Variants in ITGA2 observed in about 807,000 individuals in gnomAD.
ITGA2 encodes the protein integrin subunit alpha 2, also known as integrin alpha-2.
A neutral mutation model predicts 146.3 loss-of-function variants in ITGA2; 101 were observed. That is an observed-to-expected ratio of 0.69 (90% CI 0.59 to 0.81). ITGA2 has a LOEUF of 0.81. Among genes scored for constraint, ITGA2 ranks in the 40% least tolerant of loss-of-function variants. The pLI, the probability that ITGA2 is intolerant of heterozygous loss-of-function variation, is 0.00. For missense variants in ITGA2, 1,281 were observed against 1,402.7 expected (o/e 0.91, Z 1.39); for synonymous variants, 477 against 487.1 (o/e 0.98, Z 0.27).
At chr5:53,082,633 G>C (rs1745975293) in intron 26 of ITGA2, among the ~76,000 whole-genome samples, 1 of 152,084 alleles carries the variant, frequency 6.6e-6, no homozygotes, top group Admixed American at 6.6e-5. Context: ...CCGCACAAGA[G>C]TGGTATATTT....
At chr5:53,035,751 C>T (rs1375005845) in intron 2 of ITGA2, among the ~76,000 whole-genome samples, 1 of 152,096 alleles carries the variant, frequency 6.6e-6, no homozygotes, top group Non-Finnish European at 1.5e-5. Flanking sequence ...CACCAAGCAC[C>T]TTGTGTTGTC....
At chr5:53,046,623 TG>T (rs1406639850) in intron 4 of ITGA2, among the ~76,000 whole-genome samples, 1 of 151,114 alleles carries the variant, frequency 6.6e-6, no homozygotes. Flanking sequence ...AAGTAAAAAA[TG>T]AAAGGTAAAA....
intron 1 of ITGA2, among the ~76,000 whole-genome samples, chr5:53,009,500 GT>G (rs1235676801): frequency 2.0e-5 from 3 of 152,236 alleles, no homozygotes; most frequent in Middle Eastern, 3.4e-3. Flanking sequence ...CAACTTTTAA[GT>G]GAGGAACTTG....
chr5:53,065,390 T>C (rs1339332323), intron 14 of ITGA2, among the ~76,000 whole-genome samples: 1 of 151,892 alleles, frequency 6.6e-6, no homozygotes, highest in Non-Finnish European at 1.5e-5. Context: ...AGATAAAGTA[T>C]TCCAGATAGT....
In ITGA2 at chr5:53,032,145, G is replaced by A. The variant is rs1053230956; in HGVS notation, c.185+5277G>A. ...CTTAAAGAGAGAGGAGAAATAGAAA[G>A]AACAAGTGTCATAGCAAAAAATAAA... On this transcript the variant is annotated intron_variant, in intron 2 of 29. Transcript: ENST00000296585. Among the ~76,000 whole-genome samples the A allele has an allele frequency of 3.3e-5, 5 of 150,792 alleles. No homozygotes were observed. In the Admixed American group the frequency reaches 3.3e-4, roughly 10 times the overall value.
chr5:53,049,933 T>A (rs1329907364), intron 6 of ITGA2, among the ~76,000 whole-genome samples: 1 of 152,220 alleles, frequency 6.6e-6, no homozygotes, highest in Non-Finnish European at 1.5e-5. Context: ...TATTATAACA[T>A]GTTGTTATAT....
At chr5:53,022,105 C>T (rs1742714141) in intron 1 of ITGA2, among the ~76,000 whole-genome samples, 1 of 152,142 alleles carries the variant, frequency 6.6e-6, no homozygotes, top group African/African-American at 2.4e-5. Context: ...AATAAACTTC[C>T]CTTGCCAAAT....
At chr5:53,090,383 A>G (rs1740352909) in intron 29 of ITGA2, 136 bp from the exon 30 acceptor site, 3 of 754,610 alleles carry the variant, frequency 4.0e-6, no homozygotes, top group Non-Finnish European at 7.2e-6. Context: ...ATATCAGGTC[A>G]TCAGTCTGCA....
chr5:53,019,495 T>C (rs1742562247), intron 1 of ITGA2, among the ~76,000 whole-genome samples: 1 of 152,032 alleles, frequency 6.6e-6, no homozygotes, highest in South Asian at 2.1e-4. Flanking sequence ...AGATCAACAG[T>C]CATGGTATTG....
At position 53,075,229 on chromosome 5, in the gene ITGA2, A is replaced by G; in HGVS notation, c.2750A>G (p.Gln917Arg). 6.2e-7 allele frequency: 1 copy of G among 1,612,594 alleles called. No homozygotes were observed. Among genetic ancestry groups the G allele is most frequent in the Non-Finnish European group, 8.5e-7 (1 of 1,179,126 alleles). ...AATGTTTCTTTCTATAGTGAAAGCC[A>G]AGAAGAAAACAAGGCTGATAATTTG... is the stretch of plus-strand genomic sequence containing the variant. ...SLSFQALSESQEENKADNLVN... is the reference protein window; with the variant it reads ...SLSFQALSESREENKADNLVN... The change falls in exon 23 of 30, where the codon CAA becomes CGA. Residue 917 changes from glutamine to arginine, a missense_variant. By Grantham distance (43) the Gln-to-Arg change is conservative. This residue lies in a region of ITGA2 where 475 missense variants were observed against 530.5 expected (regional missense o/e 0.90). Transcript: ENST00000296585.
intron 16 of ITGA2, among the ~76,000 whole-genome samples, chr5:53,068,291 T>C (rs1212657404): frequency 1.3e-5 from 2 of 151,912 alleles, no homozygotes; most frequent in African/African-American, 4.8e-5. Context: ...TGTTCAAAGA[T>C]TGACCCAATT....
In ITGA2 at chr5:53,062,960, A is replaced by G. The variant is rs543630371; in HGVS notation, c.1602+31A>G. ...AAAAAAAAAATAAACTAATAGTTTA[A>G]TTTGCTTTAGTACTGGTAATTTAAC... is the stretch of plus-strand genomic sequence containing the variant. On this transcript the variant is annotated intron_variant, in intron 13 of 29. Transcript: ENST00000296585. The G allele has an allele frequency of 2.6e-5, 40 of 1,564,864 alleles. No homozygotes were observed. The South Asian group carries it at 4.3e-4, about 17-fold the overall frequency.
chr5:53,043,683 CAA>C (rs1032896183), intron 3 of ITGA2, among the ~76,000 whole-genome samples: 51 of 152,192 alleles, frequency 3.4e-4, no homozygotes, highest in African/African-American at 1.2e-3. Flanking sequence ...TTCTAGTAAA[CAA>C]GAGATGATAC....
chr5:53,038,471 C>G (rs1288680882), intron 2 of ITGA2, among the ~76,000 whole-genome samples: 3 of 152,150 alleles, frequency 2.0e-5, no homozygotes, highest in Non-Finnish European at 4.4e-5. Flanking sequence ...TGTACCCTCC[C>G]AGGACAGCTG....
intron 2 of ITGA2, among the ~76,000 whole-genome samples, chr5:53,039,063 A>T (rs1478015044): frequency 1.3e-5 from 2 of 152,224 alleles, no homozygotes; most frequent in African/African-American, 4.8e-5. Flanking sequence ...ACTGCACTCC[A>T]GCCTGAGTGA....
chr5:53,059,409 C>A (rs546222512), intron 10 of ITGA2, among the ~76,000 whole-genome samples: 1 of 151,896 alleles, frequency 6.6e-6, no homozygotes, highest in African/African-American at 2.4e-5. Flanking sequence ...GCCTCCCGAG[C>A]CGTGTCTGGG....
At chr5:53,089,744 T>C (rs1476067043) in intron 28 of ITGA2, among the ~76,000 whole-genome samples, 4 of 152,236 alleles carry the variant, frequency 2.6e-5, no homozygotes, top group Admixed American at 2.6e-4. Context: ...CTAGAAAAGT[T>C]GTATTTTTTA....
chr5:53,055,902 T>G, intron 8 of ITGA2, 82 bp from the exon 9 acceptor site: 1 of 1,381,726 alleles, frequency 7.2e-7, no homozygotes, highest in Non-Finnish European at 1.0e-6. Flanking sequence ...GAGGGAATAT[T>G]GTGTTCAAAA....
At chr5:53,055,744 A>AAGT in intron 8 of ITGA2, 56 bp downstream of exon 8, 1 of 1,590,690 alleles carries the variant, frequency 6.3e-7, no homozygotes, top group Non-Finnish European at 8.6e-7. Context: ...CTTTCTTTAT[A>AAGT]GCATCACTTC....
Sources: gnomAD v4.1 joint callset for allele counts (sites outside exome capture counted in the v4.1 genomes callset) on GRCh38, gnomAD v4.1.1 for gene constraint, gnomAD v4.1.1 regional missense constraint, MANE v1.5 for transcripts, NCBI Gene and HGNC (gene_info 2026-07-23, HGNC 2026-07-21) for gene names.